KYNU: variants seen among roughly 807,000 people sequenced by gnomAD.
The protein encoded by KYNU is L-kynurenine hydrolase.
A neutral mutation model predicts 59.2 loss-of-function variants in KYNU; 54 were observed. That is an observed-to-expected ratio of 0.91 (90% CI 0.73 to 1.14). The LOEUF (loss-of-function observed/expected upper bound fraction) is 1.14. Ranked by LOEUF, KYNU falls within the 50% of genes most tolerant of loss-of-function variation. The pLI is 0.00. For missense variants in KYNU, 567 were observed against 554.4 expected, an observed-to-expected ratio of 1.02 and a Z score of -0.23; for synonymous variants, 177 against 192.0, an observed-to-expected ratio of 0.92 and a Z score of 0.65.
At chr2:142,951,374 T>G (rs1027524595) in intron 4 of KYNU, among the ~76,000 whole-genome samples, 9 of 152,170 alleles carry the variant, frequency 5.9e-5, no homozygotes, top group African/African-American at 2.2e-4. Context: ...CTGGACATGG[T>G]AAAACCCTGT....
At chr2:142,886,619 A>G (rs981700037) in intron 2 of KYNU, among the ~76,000 whole-genome samples, 5 of 152,232 alleles carry the variant, frequency 3.3e-5, no homozygotes, top group African/African-American at 1.2e-4. Flanking sequence ...TCGAAAATTA[A>G]AAGGACATTT....
Position 142,957,628 on chromosome 2 carries a change from C to T in KYNU, c.508-13C>T. ...CAGCTTGATTTGATAAATACATCATCTTTCCTTTTTAGTATGCTATTGAGT... is the reference window on the plus strand; with the variant it reads ...CAGCTTGATTTGATAAATACATCATTTTTCCTTTTTAGTATGCTATTGAGT... On this transcript the variant is annotated splice_polypyrimidine_tract_variant and intron_variant, in intron 6 of 13. Coordinates refer to ENST00000264170, the MANE Select transcript of KYNU (RefSeq NM_003937.3). 1 of 1,524,580 alleles carries T rather than the reference C, an allele frequency of 6.6e-7. No individual in the cohort carries two copies. Among genetic ancestry groups the T allele is most frequent in the Non-Finnish European group, 9.1e-7 (1 of 1,098,922 alleles). 94.4% of individuals were successfully genotyped at this position (1,524,580 alleles called of 1,614,324 possible).
Position 143,042,246 on chromosome 2 carries a change from A to G in KYNU, c.*74A>G. On this transcript the variant is annotated 3_prime_UTR_variant, in exon 14 of 14. Coordinates refer to ENST00000264170, the MANE Select transcript of KYNU (RefSeq NM_003937.3). ...GTTATTTCAGTATTATTCGATTTTT[A>G]ATTATTGAAAGTATGTCACCATTGA... 1 of 1,408,882 alleles carries G rather than the reference A, an allele frequency of 7.1e-7. No homozygotes were observed. The highest frequency in any genetic ancestry group is 9.9e-7 in the Non-Finnish European group (1 of 1,008,866). 87.3% of individuals were successfully genotyped at this position (1,408,882 alleles called of 1,614,324 possible).
At chr2:143,012,679 T>G (rs1252066676) in intron 10 of KYNU, among the ~76,000 whole-genome samples, 1 of 152,142 alleles carries the variant, frequency 6.6e-6, no homozygotes, top group South Asian at 2.1e-4. Flanking sequence ...GATATCCACC[T>G]TCATGCAGTT....
chr2:142,889,010 A>G (rs1365326526), intron 2 of KYNU, among the ~76,000 whole-genome samples: 3 of 151,744 alleles, frequency 2.0e-5, no homozygotes, highest in Non-Finnish European at 4.4e-5. Context: ...CAAAGATGAC[A>G]GCACAGTGAG....
At chr2:143,030,740 C>G (rs1025189049) in intron 11 of KYNU, among the ~76,000 whole-genome samples, 1 of 151,904 alleles carries the variant, frequency 6.6e-6, no homozygotes, top group South Asian at 2.1e-4. Context: ...TATATAGGTG[C>G]TCTTTGACTT....
rs1687141875 is a variant in KYNU at position 143,044,925 on chromosome 2, AT to A, written c.*2755del. On this transcript the variant is annotated 3_prime_UTR_variant, in exon 14 of 14. Coordinates refer to ENST00000264170, the MANE Select transcript of KYNU (RefSeq NM_003937.3). The stretch of plus-strand genomic sequence containing the variant: ...TGCCCATGCCTATGTCCTGAATGGT[AT>A]TGCCTAGATATTCTTCTAGGGTTTT... 7.0e-6 allele frequency: 1 copy of A among 142,726 alleles called. No homozygotes were observed. Among genetic ancestry groups the A allele is most frequent in the Non-Finnish European group, 1.5e-5 (1 of 65,784 alleles). 8.8% of individuals were successfully genotyped at this position (142,726 alleles called of 1,614,324 possible).
At chr2:142,975,635 TCC>T (rs1684860715) in intron 8 of KYNU, among the ~76,000 whole-genome samples, 1 of 152,046 alleles carries the variant, frequency 6.6e-6, no homozygotes, top group South Asian at 2.1e-4. Context: ...ATGCTCCCCC[TCC>T]CACAAGCAGC....
At chr2:142,965,435 A>G (rs893132464) in intron 8 of KYNU, among the ~76,000 whole-genome samples, 1 of 152,102 alleles carries the variant, frequency 6.6e-6, no homozygotes, top group African/African-American at 2.4e-5. Context: ...TCTCACCACG[A>G]AAGACTTGAG....
At chr2:142,923,736 C>A (rs75913852) in intron 3 of KYNU, among the ~76,000 whole-genome samples, 4,946 of 152,254 alleles carry the variant, frequency 0.032, 260 homozygotes, top group African/African-American at 0.11. Flanking sequence ...ATTGTCAAAT[C>A]TGCTACATAA....
chr2:142,994,680 G>T (rs900247856), intron 10 of KYNU, among the ~76,000 whole-genome samples: 1 of 152,022 alleles, frequency 6.6e-6, no homozygotes. Context: ...ATTATAGATT[G>T]AAATCTTAAT....
Position 142,941,026 on chromosome 2 carries a change from G to T in KYNU, c.373+13285G>T, listed in dbSNP as rs963034310. ...TGCCACTCTCTTGGTACTTAAATGTGTTCATCAGCCCAGAACCTCTCTGAG... is the reference window on the plus strand; with the variant it reads ...TGCCACTCTCTTGGTACTTAAATGTTTTCATCAGCCCAGAACCTCTCTGAG... On this transcript the variant is annotated intron_variant, in intron 4 of 13. Coordinates refer to ENST00000264170, the MANE Select transcript of KYNU (RefSeq NM_003937.3). Among the ~76,000 whole-genome samples the T allele has an allele frequency of 2.6e-5, 4 of 152,204 alleles. No homozygotes were observed. The South Asian group carries it at 8.3e-4, about 32-fold the overall frequency.
chr2:143,032,292 A>AC (rs1253416351), intron 11 of KYNU, among the ~76,000 whole-genome samples: 3 of 84,060 alleles, frequency 3.6e-5, no homozygotes, highest in African/African-American at 1.0e-4. Context: ...ACAAAAACAA[A>AC]AAAAAAAAAC....
intron 10 of KYNU, among the ~76,000 whole-genome samples, chr2:143,016,464 A>G (rs1686248561): frequency 6.6e-6 from 1 of 152,182 alleles, no homozygotes; most frequent in Non-Finnish European, 1.5e-5. Context: ...AAAAGTCTCA[A>G]GTACTTTATG....
intron 12 of KYNU, among the ~76,000 whole-genome samples, chr2:143,034,870 A>G (rs1011956320): frequency 6.6e-6 from 1 of 152,218 alleles, no homozygotes; most frequent in African/African-American, 2.4e-5. Flanking sequence ...TTGTACCTAA[A>G]GTAATTTCCT....
chr2:142,990,786 A>G (rs1399783421), intron 10 of KYNU, among the ~76,000 whole-genome samples: 2 of 151,942 alleles, frequency 1.3e-5, no homozygotes, highest in Non-Finnish European at 2.9e-5. Flanking sequence ...TGAATTTTAA[A>G]TCATGCCAAC....
intron 4 of KYNU, among the ~76,000 whole-genome samples, chr2:142,934,390 C>T: frequency 6.6e-6 from 1 of 151,992 alleles, no homozygotes; most frequent in East Asian, 1.9e-4. Flanking sequence ...TTAGAAGCCC[C>T]AGAGGGGTCT....
intron 2 of KYNU, among the ~76,000 whole-genome samples, chr2:142,906,052 C>A (rs558231246): frequency 1.4e-5 from 2 of 144,714 alleles, no homozygotes; most frequent in African/African-American, 5.5e-5. Flanking sequence ...TCTCTCTCTG[C>A]CTCTTTCTCT....
At chr2:143,008,644 C>T (rs1450432037) in intron 10 of KYNU, among the ~76,000 whole-genome samples, 1 of 41,394 alleles carries the variant, frequency 2.4e-5, no homozygotes, top group Non-Finnish European at 4.0e-5. Flanking sequence ...CCAAAATTGA[C>T]CACATACTTG....
Sources: allele counts gnomAD v4.1 joint callset (sites outside exome capture counted in the v4.1 genomes callset), GRCh38; gene constraint gnomAD v4.1.1; transcripts MANE v1.5; gene names NCBI Gene and HGNC (gene_info 2026-07-23, HGNC 2026-07-21).